ENAM: variants seen among roughly 807,000 people sequenced by gnomAD.
ENAM encodes the protein amelogenesis imperfecta 2, hypocalcification (autosomal dominant).
Under a neutral mutation model 33.6 loss-of-function variants are expected in ENAM, and 21 were observed. The observed-to-expected ratio is 0.63, with a 90% CI of 0.44 to 0.90. ENAM has a LOEUF of 0.90. ENAM is among the 40% of genes least tolerant of loss of function. The probability of loss-of-function intolerance (pLI) is 0.00; values close to 1 mark genes in which losing one functional copy is unlikely to be tolerated. For missense variants in ENAM, 1,388 were observed against 1,366.9 expected (o/e 1.02, Z -0.24); for synonymous variants, 473 against 468.4 (o/e 1.01, Z -0.13).
chr4:70,631,775 T>G, intron 3 of ENAM, 37 bp downstream of exon 3: 1 of 1,608,418 alleles, frequency 6.2e-7, no homozygotes. Flanking sequence ...TCTCTTTGTG[T>G]TCCGTTAGGA....
rs142755899 is a variant in ENAM, at chr4:70,636,869, C to T, written c.535-921C>T. On this transcript the variant is annotated intron_variant, in intron 7 of 8. Transcript: ENST00000396073. Reference sequence around the variant, plus strand: ...AAAATAAAAAATAATATTGAAATTGCATCATAGGCATTAAAAATACGAATG... The same window carrying T: ...AAAATAAAAAATAATATTGAAATTGTATCATAGGCATTAAAAATACGAATG... Among the ~76,000 whole-genome samples the T allele has an allele frequency of 3.3e-3, 501 of 152,060 alleles. 2 individuals are homozygous for T. The highest frequency in any genetic ancestry group is 0.011 in the African/African-American group (465 of 41,488).
chr4:70,639,062 G>T (rs1283842688), intron 8 of ENAM, among the ~76,000 whole-genome samples: 1 of 152,040 alleles, frequency 6.6e-6, no homozygotes, highest in Non-Finnish European at 1.5e-5. Flanking sequence ...CTCCCAAAGT[G>T]CTGGGATTAC....
chr4:70,643,170 A>T lies in ENAM; in HGVS notation c.1744A>T (p.Arg582Trp). The change falls in exon 9 of 9, where the codon AGG (arginine) becomes TGG (tryptophan). Residue 582 changes from arginine to tryptophan, a missense_variant. Coordinates refer to ENST00000396073, the MANE Select transcript of ENAM (RefSeq NM_031889.3). Reference protein sequence around the residue: ...ISPPFKEDPGRQEEHLPHPSH... With the variant: ...ISPPFKEDPGWQEEHLPHPSH... ...TCCACCTTTTAAGGAAGATCCAGGG[A>T]GGCAAGAAGAACATTTACCCCATCC... 6.2e-7 allele frequency: 1 copy of T among 1,613,914 alleles called. No homozygotes were observed. The highest frequency in any genetic ancestry group is 8.5e-7 in the Non-Finnish European group (1 of 1,179,944).
chr4:70,635,714 A>C (rs1738434303), intron 6 of ENAM, 118 bp from the exon 7 acceptor site: 2 of 713,200 alleles, frequency 2.8e-6, no homozygotes. Context: ...AAAAACACAG[A>C]GTTTAATGCA....
intron 8 of ENAM, among the ~76,000 whole-genome samples, chr4:70,638,489 A>C (rs991787231): frequency 1.1e-5 from 1 of 89,810 alleles, no homozygotes; most frequent in Admixed American, 1.6e-4. Flanking sequence ...GACAGGTGGG[A>C]GATCACCTGA....
chr4:70,634,233 G>A (rs575337078), intron 5 of ENAM, 75 bp from the exon 6 acceptor site: 13 of 1,459,122 alleles, frequency 8.9e-6, no homozygotes, highest in Non-Finnish European at 1.1e-5. Context: ...GAGTTTTAGA[G>A]GCTGACATTA....
At chr4:70,638,998 T>C (rs1738531566) in intron 8 of ENAM, among the ~76,000 whole-genome samples, 1 of 151,854 alleles carries the variant, frequency 6.6e-6, no homozygotes, top group Non-Finnish European at 1.5e-5. Context: ...GATTTCACCA[T>C]GTTGACCAGA....
In ENAM at chr4:70,646,267, C is replaced by T. The variant is rs551226756; in HGVS notation, c.*1412C>T. Reference sequence around the variant, plus strand: ...TTATTCTTATTAATAACATGTTGGCCTATTATCTGGATGTCCCTTGCCTAG... The same window carrying T: ...TTATTCTTATTAATAACATGTTGGCTTATTATCTGGATGTCCCTTGCCTAG... On this transcript the variant is annotated 3_prime_UTR_variant, in exon 9 of 9. Coordinates refer to ENST00000396073, the MANE Select transcript of ENAM (RefSeq NM_031889.3). 6.6e-6 allele frequency: 1 copy of T among 152,132 alleles called. No individual in the cohort carries two copies. Among genetic ancestry groups the T allele is most frequent in the African/African-American group, 2.4e-5 (1 of 41,496 alleles). 9.4% of individuals were successfully genotyped at this position (152,132 alleles called of 1,614,324 possible). A position where few individuals can be genotyped will look rare whatever the true frequency, so the allele number is the denominator to read the frequency against.
chr4:70,632,171 CA>C (rs537392130), intron 4 of ENAM, among the ~76,000 whole-genome samples: 1 of 151,948 alleles, frequency 6.6e-6, no homozygotes, highest in African/African-American at 2.4e-5. Context: ...TTTTAGCTAG[CA>C]AAAGTGACCA....
At position 70,643,500 on chromosome 4, in the gene ENAM, A is replaced by G. The variant is rs1424966872; in HGVS notation, c.2074A>G (p.Thr692Ala). ...TAGGCACTATGAAGGTGAACAATATACCTCAAATCAGCCAAAGGAATATCT... is the reference window on the plus strand; with the variant it reads ...TAGGCACTATGAAGGTGAACAATATGCCTCAAATCAGCCAAAGGAATATCT... ...TVRHYEGEQY[T>A]SNQPKEYLPY... The change falls in exon 9 of 9, where the codon ACC (threonine) becomes GCC (alanine). Residue 692 changes from threonine (T) to alanine (A), a missense_variant. Thr to Ala is a moderately conservative substitution (Grantham distance 58, BLOSUM62 0). Transcript: ENST00000396073. 1 of 1,614,108 alleles carries G rather than the reference A, an allele frequency of 6.2e-7. No individual in the cohort carries two copies. The highest frequency in any genetic ancestry group is 8.5e-7 in the Non-Finnish European group (1 of 1,179,992).
intron 7 of ENAM, among the ~76,000 whole-genome samples, chr4:70,637,438 C>T (rs2109822545): frequency 6.6e-6 from 1 of 152,196 alleles, no homozygotes; most frequent in South Asian, 2.1e-4. Flanking sequence ...CTCTCTCTCA[C>T]CCTCTCTCTG....
At chr4:70,640,855 AAGG>A (rs1331383402) in intron 8 of ENAM, among the ~76,000 whole-genome samples, 1 of 152,126 alleles carries the variant, frequency 6.6e-6, no homozygotes, top group Non-Finnish European at 1.5e-5. Context: ...TTATTTTGTA[AAGG>A]AGAACTTTAA....
intron 6 of ENAM, among the ~76,000 whole-genome samples, chr4:70,635,075 T>G (rs996201575): frequency 2.6e-5 from 4 of 152,094 alleles, no homozygotes; most frequent in African/African-American, 9.7e-5. Context: ...TGGAGGGAGC[T>G]TCGAAAATAC....
Position 70,642,027 on chromosome 4 carries a change from G to C in ENAM, c.601G>C (p.Gly201Arg). ...TTCTTTCCTACAGAATCCTTACTTT[G>C]GATATTTTGGATATCATGGCTTTGG... ...SNEEGGNPYF[G>R]YFGYHGFGGR... Residue 201 changes from glycine (G) to arginine (R), a missense_variant, in exon 9 of 9, where the codon GGA becomes CGA. Coordinates refer to ENST00000396073, the MANE Select transcript of ENAM (RefSeq NM_031889.3). The C allele has an allele frequency of 1.2e-6, 2 of 1,611,884 alleles. No individual in the cohort carries two copies. The highest frequency in any genetic ancestry group is 1.7e-6 in the Non-Finnish European group (2 of 1,177,984).
chr4:70,634,535 A>T lies in ENAM; in HGVS notation c.438A>T (p.Gln146His), dbSNP rs1738404442. 1 of 1,613,908 alleles carries T rather than the reference A, an allele frequency of 6.2e-7. No homozygotes were observed. The highest frequency in any genetic ancestry group is 8.5e-7 in the Non-Finnish European group (1 of 1,179,996). ...KRPLKQPSHN[Q>H]PQPEEEAQPP... ...CTTTGAAGCAGCCATCACATAATCAACCTCAGCCCGAAGAGGAAGCTCAAC... is the reference window on the plus strand; with the variant it reads ...CTTTGAAGCAGCCATCACATAATCATCCTCAGCCCGAAGAGGAAGCTCAAC... The change falls in exon 6 of 9, where the codon CAA becomes CAT. Residue 146 changes from glutamine to histidine, a missense_variant. Coordinates refer to ENST00000396073, the MANE Select transcript of ENAM (RefSeq NM_031889.3).
intron 4 of ENAM, 138 bp from the exon 5 acceptor site, chr4:70,632,513 T>G (rs968475022): frequency 2.9e-5 from 22 of 765,286 alleles, no homozygotes; most frequent in Admixed American, 1.4e-4. Flanking sequence ...ATATGACTGT[T>G]GTGCATTAAA....
Position 70,634,295 on chromosome 4 carries a change from G to C in ENAM, c.211-13G>C, listed in dbSNP as rs1233120702. The C allele has an allele frequency of 6.2e-7, 1 of 1,613,432 alleles. No homozygotes were observed. Among genetic ancestry groups the C allele is most frequent in the Non-Finnish European group, 8.5e-7 (1 of 1,179,620 alleles). On this transcript the variant is annotated splice_polypyrimidine_tract_variant and intron_variant, in intron 5 of 8. Coordinates refer to ENST00000396073, the MANE Select transcript of ENAM (RefSeq NM_031889.3). ...CTCTATTATGATTTCACTATTATTT[G>C]CTACCCTTTCAGATGGCACACCTGG...
chr4:70,632,044 C>T (rs1246334539), intron 4 of ENAM, 151 bp downstream of exon 4: 16 of 757,802 alleles, frequency 2.1e-5, no homozygotes, highest in Admixed American at 4.1e-5. Context: ...ACTCTCAAAT[C>T]GAGGCAAAGT....
chr4:70,646,114 A>G lies in ENAM; in HGVS notation c.*1259A>G, dbSNP rs1181322674. On this transcript the variant is annotated 3_prime_UTR_variant, in exon 9 of 9. Coordinates refer to ENST00000396073, the MANE Select transcript of ENAM (RefSeq NM_031889.3). ...AGGGATTCTACCAGTATGTGCTACT[A>G]CTAACATTCTTCATGTCCATGCAGA... is the stretch of plus-strand genomic sequence containing the variant. The G allele has an allele frequency of 4.0e-5, 6 of 151,388 alleles. No individual in the cohort carries two copies. The highest frequency in any genetic ancestry group is 3.3e-4 in the Admixed American group (5 of 15,202). The allele number at this position is 151,388 out of a possible 1,614,324, so 9.4% of individuals were successfully genotyped here.
Sources: gnomAD v4.1 joint callset for allele counts (sites outside exome capture counted in the v4.1 genomes callset) on GRCh38, gnomAD v4.1.1 for gene constraint, MANE v1.5 for transcripts, NCBI Gene and HGNC (gene_info 2026-07-23, HGNC 2026-07-21) for gene names.